CYB5A: variants seen among roughly 807,000 people sequenced by gnomAD.
The protein encoded by CYB5A is cytochrome b5.
CYB5A carries 10 observed loss-of-function variants against 16.2 expected under a neutral mutation model. That is an observed-to-expected ratio of 0.62 (90% CI 0.38 to 1.04). The LOEUF (loss-of-function observed/expected upper bound fraction) is 1.04, where lower values mean the gene tolerates loss of function less well. Ranked by LOEUF, CYB5A falls within the 50% of genes least tolerant of loss-of-function variation. CYB5A has a pLI of 0.01. For synonymous variants in CYB5A, 62 were observed against 57.0 expected, an observed-to-expected ratio of 1.09 and a Z score of -0.40; for missense variants, 161 against 165.9, an observed-to-expected ratio of 0.97 and a Z score of 0.16.
In CYB5A at chr18:74,271,039, A is replaced by G. The variant is rs1788631; in HGVS notation, c.130-7562T>C. 8.0e-3 allele frequency among the ~76,000 whole-genome samples: 1,215 copies of G among 152,322 alleles called. 14 individuals carry two copies. Among genetic ancestry groups the G allele is most frequent in the African/African-American group, 0.028 (1,146 of 41,568 alleles). On this transcript the variant is annotated intron_variant, in intron 1 of 4. Transcript: ENST00000340533. ...GTGGCTGATGGGAACTTTCCCTCTC[A>G]TTCCAACTCCTCCAGTTCATAGCAC...
intron 1 of CYB5A, among the ~76,000 whole-genome samples, chr18:74,289,071 T>TA (rs1983429617): frequency 6.6e-6 from 1 of 152,178 alleles, no homozygotes; most frequent in Admixed American, 6.5e-5. Context: ...TAACTCCTTG[T>TA]GTTTCTCCCA....
chr18:74,287,043 T>G (rs1013121860), intron 1 of CYB5A, among the ~76,000 whole-genome samples: 1 of 152,150 alleles, frequency 6.6e-6, no homozygotes, highest in Non-Finnish European at 1.5e-5. Flanking sequence ...CGGGTTCACA[T>G]TCCCCAGGTG....
At chr18:74,277,341 G>A (rs1231226228) in intron 1 of CYB5A, among the ~76,000 whole-genome samples, 1 of 152,120 alleles carries the variant, frequency 6.6e-6, no homozygotes, top group African/African-American at 2.4e-5. Context: ...GCACCAACTC[G>A]GGGCTTCATA....
chr18:74,291,137 C>T (rs1456469441), intron 1 of CYB5A: 15 of 182,494 alleles, frequency 8.2e-5, no homozygotes, highest in Non-Finnish European at 1.5e-4. Flanking sequence ...CCGACCTCCG[C>T]ACTTGGGGTC....
intron 1 of CYB5A, among the ~76,000 whole-genome samples, chr18:74,284,233 CAAAAAAA>C (rs1308439463): frequency 8.2e-5 from 6 of 73,088 alleles, no homozygotes; most frequent in Non-Finnish European, 1.6e-4. Flanking sequence ...ACTCCATCTC[CAAAAAAA>C]AAAAAAAAAA....
At chr18:74,267,778 G>T (rs578174689) in intron 1 of CYB5A, among the ~76,000 whole-genome samples, 2 of 152,352 alleles carry the variant, frequency 1.3e-5, no homozygotes, top group South Asian at 4.1e-4. Flanking sequence ...GAGCCAAATG[G>T]AAGCTGTGGA....
intron 1 of CYB5A, among the ~76,000 whole-genome samples, chr18:74,280,437 G>T (rs1378164644): frequency 2.0e-5 from 3 of 151,804 alleles, no homozygotes; most frequent in Non-Finnish European, 4.4e-5. Flanking sequence ...AATTAGCCAG[G>T]CATGGTGGTG....
chr18:74,282,963 C>T (rs1479975078), intron 1 of CYB5A, among the ~76,000 whole-genome samples: 2 of 152,148 alleles, frequency 1.3e-5, no homozygotes, highest in Non-Finnish European at 2.9e-5. Flanking sequence ...CTTTTCAATG[C>T]CATAAATAGC....
At chr18:74,280,407 C>CAAA (rs149442312) in intron 1 of CYB5A, among the ~76,000 whole-genome samples, 1 of 83,960 alleles carries the variant, frequency 1.2e-5, no homozygotes, top group African/African-American at 4.1e-5. Context: ...CCTGTCTCTA[C>CAAA]AAAAAAAAAA....
chr18:74,276,244 C>T lies in CYB5A; in HGVS notation c.130-12767G>A, dbSNP rs1253462601. On this transcript the variant is annotated intron_variant, in intron 1 of 4. Transcript: ENST00000340533. ...AAAATGGGACGCAGAGGAATGAAGC[C>T]CAGTGCCACACTGATAGCTCACGAG... Among the ~76,000 whole-genome samples the T allele has an allele frequency of 2.0e-5, 3 of 152,060 alleles. No individual in the cohort carries two copies. The East Asian group carries it at 5.8e-4, about 29-fold the overall frequency.
chr18:74,262,455 C>CA (rs5826311), intron 2 of CYB5A, among the ~76,000 whole-genome samples: 29,858 of 132,128 alleles, frequency 0.23, 3,742 homozygotes, highest in South Asian at 0.31. Flanking sequence ...GACTCTGTCT[C>CA]AAAAAAAAAA....
chr18:74,272,728 GGC>G (rs1982716918), intron 1 of CYB5A, among the ~76,000 whole-genome samples: 1 of 152,102 alleles, frequency 6.6e-6, no homozygotes, highest in African/African-American at 2.4e-5. Flanking sequence ...AGACCAGCCT[GGC>G]CAACATGGTG....
At chr18:74,269,416 T>TCGTGTCTAAACACAGGAGCACCC (rs1380421892) in intron 1 of CYB5A, among the ~76,000 whole-genome samples, 4 of 152,190 alleles carry the variant, frequency 2.6e-5, no homozygotes, top group South Asian at 2.1e-4. Flanking sequence ...TCCATCTGCG[T>TCGTGTCTAAACACAGGAGCACCC]TGGCTCTCCT....
intron 1 of CYB5A, among the ~76,000 whole-genome samples, chr18:74,275,378 C>A (rs1568221022): frequency 6.6e-6 from 1 of 152,146 alleles, no homozygotes; most frequent in African/African-American, 2.4e-5. Flanking sequence ...ATCCTCTGTG[C>A]CCTGTCTTCC....
intron 1 of CYB5A, among the ~76,000 whole-genome samples, chr18:74,266,791 T>TA (rs1982453380): frequency 6.6e-6 from 1 of 151,262 alleles, no homozygotes; most frequent in East Asian, 1.9e-4. Flanking sequence ...TTGGATTATA[T>TA]TGGTTTCACT....
At chr18:74,260,729 C>T (rs766029526) in intron 3 of CYB5A, 186 bp downstream of exon 3, 1 of 669,814 alleles carries the variant, frequency 1.5e-6, no homozygotes, top group South Asian at 1.5e-5. Context: ...ACACGCCATC[C>T]TAACAAATCA....
chr18:74,285,632 AG>A (rs1054259437), intron 1 of CYB5A, among the ~76,000 whole-genome samples: 3 of 152,088 alleles, frequency 2.0e-5, no homozygotes, highest in Non-Finnish European at 2.9e-5. Flanking sequence ...GGGAGGCCAA[AG>A]GGGGCAGATC....
chr18:74,271,010 T>C (rs1389669261), intron 1 of CYB5A, among the ~76,000 whole-genome samples: 2 of 152,212 alleles, frequency 1.3e-5, no homozygotes, highest in African/African-American at 2.4e-5. Context: ...ATATAACCAG[T>C]TCAGTGGCTG....
At chr18:74,266,948 A>AT (rs570867115) in intron 1 of CYB5A, among the ~76,000 whole-genome samples, 31 of 152,296 alleles carry the variant, frequency 2.0e-4, no homozygotes, top group Non-Finnish European at 4.1e-4. Context: ...CTAAAAATTG[A>AT]TATTTTGGAA....
Sources: allele counts gnomAD v4.1 joint callset (sites outside exome capture counted in the v4.1 genomes callset), GRCh38; gene constraint gnomAD v4.1.1; transcripts MANE v1.5; gene names NCBI Gene and HGNC (gene_info 2026-07-23, HGNC 2026-07-21).